Variants in ANO3 observed in about 807,000 individuals in gnomAD.
ANO3 encodes the protein anoctamin-3.
Under a neutral mutation model 144.8 loss-of-function variants are expected in ANO3, and 99 were observed. The observed-to-expected ratio is 0.68, with a 90% confidence interval of 0.58 to 0.81. ANO3 has a LOEUF of 0.81. Among genes scored for constraint, ANO3 ranks in the 30% least tolerant of loss-of-function variants. ANO3 has a pLI of 0.00. For missense variants in ANO3, 905 were observed against 1,202.2 expected (o/e 0.75, Z 3.66); for synonymous variants, 414 against 392.6 (o/e 1.05, Z -0.64).
chr11:26,503,917 C>T lies in ANO3; in HGVS notation c.433-4187C>T, dbSNP rs141345665. Among the ~76,000 whole-genome samples, 568 of 152,146 alleles carry T rather than the reference C, an allele frequency of 3.7e-3. 1 individual carries two copies. The highest frequency in any genetic ancestry group is 0.01 in the Middle Eastern group (3 of 294). Reference sequence around the variant, plus strand: ...TTTATCTTTCTAATATTTTTTTCCACAAACCAGTCTCTTGATTTCTAGGTC... The same window carrying T: ...TTTATCTTTCTAATATTTTTTTCCATAAACCAGTCTCTTGATTTCTAGGTC... On this transcript the variant is annotated intron_variant, in intron 4 of 26. Coordinates refer to ENST00000256737, the MANE Select transcript of ANO3 (RefSeq NM_031418.4).
At chr11:26,480,095 G>C (rs970465266) in intron 4 of ANO3, among the ~76,000 whole-genome samples, 1 of 152,182 alleles carries the variant, frequency 6.6e-6, no homozygotes, top group South Asian at 2.1e-4. Flanking sequence ...GAAATGGGCT[G>C]TAGAAGGAGT....
At chr11:26,434,125 T>C (rs1158902609) in intron 1 of ANO3, among the ~76,000 whole-genome samples, 1 of 152,140 alleles carries the variant, frequency 6.6e-6, no homozygotes. Flanking sequence ...GTTCAGGGAA[T>C]CAATTTTTTC....
chr11:26,430,237 A>G (rs2134009055), intron 1 of ANO3, among the ~76,000 whole-genome samples: 1 of 126,356 alleles, frequency 7.9e-6, no homozygotes, highest in South Asian at 3.3e-4. Context: ...CTCCAGCCCA[A>G]GCAACTGTCT....
At chr11:26,351,637 T>A (rs935958570) in intron 1 of ANO3, among the ~76,000 whole-genome samples, 2 of 152,104 alleles carry the variant, frequency 1.3e-5, no homozygotes, top group Admixed American at 6.5e-5. Context: ...ACAAGTGAGG[T>A]ACAGAAGCAG....
intron 1 of ANO3, among the ~76,000 whole-genome samples, chr11:26,412,326 GC>G (rs1349219107): frequency 6.6e-6 from 1 of 151,854 alleles, no homozygotes; most frequent in African/African-American, 2.4e-5. Context: ...CATTAAAAAA[GC>G]TCTTAATGAA....
At chr11:26,544,281 T>TATATATATATATATAC (rs1849729404) in intron 11 of ANO3, among the ~76,000 whole-genome samples, 12 of 86,990 alleles carry the variant, frequency 1.4e-4, no homozygotes, top group African/African-American at 4.7e-4. Flanking sequence ...TATACACACA[T>TATATATATATATATAC]ACACACACAC....
intron 1 of ANO3, among the ~76,000 whole-genome samples, chr11:26,387,097 A>G (rs908336271): frequency 6.6e-6 from 1 of 150,566 alleles, no homozygotes. Context: ...AAAGAGAGAG[A>G]GAGAGAATAT....
chr11:26,609,603 G>T (rs1852035675), intron 17 of ANO3, among the ~76,000 whole-genome samples: 1 of 151,910 alleles, frequency 6.6e-6, no homozygotes. Flanking sequence ...GCCATCTTTG[G>T]CCCCGCCCCC....
At chr11:26,348,862 G>T (rs538303480) in intron 1 of ANO3, among the ~76,000 whole-genome samples, 1 of 152,188 alleles carries the variant, frequency 6.6e-6, no homozygotes, top group South Asian at 2.1e-4. Context: ...GGACACTGAC[G>T]GGGTGTACAC....
At chr11:26,517,476 C>G (rs544100767) in intron 6 of ANO3, among the ~76,000 whole-genome samples, 1 of 152,142 alleles carries the variant, frequency 6.6e-6, no homozygotes, top group Non-Finnish European at 1.5e-5. Context: ...ATCCGTTTCC[C>G]TATATTGAGT....
At chr11:26,475,714 A>T (rs1859940621) in intron 4 of ANO3, among the ~76,000 whole-genome samples, 2 of 152,114 alleles carry the variant, frequency 1.3e-5, no homozygotes. Flanking sequence ...TCATAAAAGT[A>T]AATTGATAAG....
Position 26,441,122 on chromosome 11 carries a change from T to TTTTTTG in ANO3, c.47-791_47-790insGTTTTT, listed in dbSNP as rs1554954658. 6.5e-4 allele frequency among the ~76,000 whole-genome samples: 81 copies of TTTTTTG among 124,046 alleles called. 1 individual carries two copies. Among genetic ancestry groups the TTTTTTG allele is most frequent in the South Asian group, 4.2e-3 (13 of 3,100 alleles). The allele number at this position is 124,046 out of a possible 152,430, so 81.4% of individuals were successfully genotyped here. A position where few individuals can be genotyped will look rare whatever the true frequency, so the allele number is the denominator to read the frequency against. On this transcript the variant is annotated intron_variant, in intron 1 of 26. Transcript: ENST00000256737. ...TGCTGCCCAGTTTTTTTTTTTTTTT[T>TTTTTTG]TTTTTTTTTTTTTGAGACGGAGTCT...
At chr11:26,301,332 C>T (rs1208788247) in intron 1 of ANO3, among the ~76,000 whole-genome samples, 3 of 152,144 alleles carry the variant, frequency 2.0e-5, no homozygotes, top group Non-Finnish European at 2.9e-5. Flanking sequence ...GGTAATTGAG[C>T]TTTCTGAGTC....
chr11:26,540,019 G>A (rs433132), intron 10 of ANO3, among the ~76,000 whole-genome samples: 108,175 of 151,990 alleles, frequency 0.71, 38,787 homozygotes, highest in East Asian at 0.84. Context: ...TATAGTCACC[G>A]CATATATTGT....
chr11:26,411,923 A>G (rs1303744650), intron 1 of ANO3, among the ~76,000 whole-genome samples: 1 of 152,012 alleles, frequency 6.6e-6, no homozygotes, highest in African/African-American at 2.4e-5. Context: ...GTTTCAAGAC[A>G]GGGCCAGTAA....
At chr11:26,656,563 C>A in intron 26 of ANO3, 82 bp downstream of exon 26, 1 of 890,596 alleles carries the variant, frequency 1.1e-6, no homozygotes, top group Non-Finnish European at 1.8e-6. Context: ...GAAATCAGTT[C>A]CTCAGACTTC....
At chr11:26,645,581 A>G (rs555288326) in intron 23 of ANO3, among the ~76,000 whole-genome samples, 24 of 152,264 alleles carry the variant, frequency 1.6e-4, no homozygotes, top group Non-Finnish European at 2.4e-4. Flanking sequence ...ATACAATGCA[A>G]TTTGAGTTCC....
chr11:26,459,245 C>T (rs559341870), intron 3 of ANO3, among the ~76,000 whole-genome samples: 1 of 152,076 alleles, frequency 6.6e-6, no homozygotes, highest in South Asian at 2.1e-4. Flanking sequence ...ATGGCTTTAC[C>T]TGGAGATGCA....
At chr11:26,303,899 TA>T (rs1854296985) in intron 1 of ANO3, among the ~76,000 whole-genome samples, 1 of 151,986 alleles carries the variant, frequency 6.6e-6, no homozygotes, top group Admixed American at 6.6e-5. Flanking sequence ...TTTGTATTTT[TA>T]GTAGAGTAGG....
Sources: allele counts gnomAD v4.1 joint callset (sites outside exome capture counted in the v4.1 genomes callset), GRCh38; gene constraint gnomAD v4.1.1; transcripts MANE v1.5; gene names NCBI Gene and HGNC (gene_info 2026-07-23, HGNC 2026-07-21).